The following RYR3 variants were observed in gnomAD, a reference collection of about 807,000 sequenced individuals.
The protein encoded by RYR3 is ryanodine receptor 3, also known as brain ryanodine receptor-calcium release channel.
RYR3 carries 207 observed loss-of-function variants against 584.3 expected under a neutral mutation model. The observed-to-expected ratio is 0.35, with a 90% confidence interval of 0.32 to 0.40. The LOEUF (loss-of-function observed/expected upper bound fraction) is 0.40, where lower values mean the gene tolerates loss of function less well. RYR3 is among the 10% of genes least tolerant of loss of function. RYR3 has a pLI of 1.00. For missense variants in RYR3, 5,616 were observed against 6,089.2 expected (o/e 0.92, Z 2.59); for synonymous variants, 2,416 against 2,248.5 (o/e 1.07, Z -2.11).
chr15:33,311,154 G>A lies in RYR3; in HGVS notation c.51+58G>A. On this transcript the variant is annotated intron_variant, in intron 1 of 103. Transcript: ENST00000634891. The surrounding 1 kb of genome is among the most constrained non-coding windows in gnomAD (Gnocchi z 4.4). The stretch of plus-strand genomic sequence containing the variant: ...CAGGTGGGGAGGAGCGCGGAGCGCG[G>A]CGAGGAGGGGCTGGCTGCGCTGCGC... 3.7e-6 allele frequency: 5 copies of A among 1,361,888 alleles called. 1 individual carries two copies. The South Asian group carries it at 7.1e-5, about 19-fold the overall frequency. The allele number at this position is 1,361,888 out of a possible 1,614,324, so 84.4% of individuals were successfully genotyped here. A position where few individuals can be genotyped will look rare whatever the true frequency, so the allele number is the denominator to read the frequency against.
intron 20 of RYR3, among the ~76,000 whole-genome samples, chr15:33,625,550 G>T (rs919917625): frequency 1.3e-5 from 2 of 152,134 alleles, no homozygotes; most frequent in African/African-American, 4.8e-5. Flanking sequence ...TTGGGGTCCT[G>T]TGAATTAAGC....
chr15:33,563,358 T>A (rs1439964094), intron 11 of RYR3, among the ~76,000 whole-genome samples: 2 of 152,248 alleles, frequency 1.3e-5, no homozygotes, highest in Non-Finnish European at 2.9e-5. Flanking sequence ...TGAGTTATTG[T>A]GCAGTTTTCA....
intron 3 of RYR3, among the ~76,000 whole-genome samples, chr15:33,525,843 A>G (rs2054345087): frequency 1.3e-5 from 2 of 152,232 alleles, no homozygotes; most frequent in Non-Finnish European, 2.9e-5. Flanking sequence ...TTCAGGAAAT[A>G]TTGTTCTGTG....
intron 48 of RYR3, among the ~76,000 whole-genome samples, chr15:33,732,883 C>A (rs1596348685): frequency 6.6e-6 from 1 of 152,190 alleles, no homozygotes; most frequent in South Asian, 2.1e-4. Context: ...CCTTTAGGGG[C>A]CAGCTGAGTA....
At chr15:33,621,009 G>A (rs1241406340) in intron 19 of RYR3, among the ~76,000 whole-genome samples, 2 of 152,212 alleles carry the variant, frequency 1.3e-5, no homozygotes, top group East Asian at 3.8e-4. Context: ...GGCCATTAGA[G>A]AAGATGAGAT....
intron 51 of RYR3, 80 bp from the exon 52 acceptor site, chr15:33,742,286 G>T: frequency 1.1e-6 from 1 of 873,504 alleles, no homozygotes; most frequent in South Asian, 1.4e-5. Flanking sequence ...ACAGCTGGTT[G>T]ATTGGTAGTT....
At chr15:33,472,087 A>G (rs2048981113) in intron 1 of RYR3, among the ~76,000 whole-genome samples, 1 of 152,230 alleles carries the variant, frequency 6.6e-6, no homozygotes, top group African/African-American at 2.4e-5. Context: ...TACTATAAGC[A>G]AAGACTCCTG....
chr15:33,337,655 AC>A (rs1409487813), intron 1 of RYR3, among the ~76,000 whole-genome samples: 1 of 152,202 alleles, frequency 6.6e-6, no homozygotes, highest in African/African-American at 2.4e-5. Context: ...ATGAAGAAAA[AC>A]TATTTCATCA....
intron 52 of RYR3, among the ~76,000 whole-genome samples, chr15:33,744,332 C>T (rs2070464722): frequency 6.6e-6 from 1 of 152,152 alleles, no homozygotes; most frequent in South Asian, 2.1e-4. Flanking sequence ...ATCAATTTTA[C>T]ATTCACTTGT....
chr15:33,787,869 G>A (rs536102440), intron 66 of RYR3, among the ~76,000 whole-genome samples: 23 of 152,330 alleles, frequency 1.5e-4, no homozygotes, highest in African/African-American at 4.3e-4. Flanking sequence ...CTAGTGAGCC[G>A]AAAGCAAAAA....
chr15:33,699,897 CT>C, intron 41 of RYR3, 64 bp downstream of exon 41: 1 of 1,549,694 alleles, frequency 6.5e-7, no homozygotes, highest in South Asian at 1.2e-5. Flanking sequence ...CTTTTGACCA[CT>C]TAGGAAAATA....
At chr15:33,455,341 G>A (rs1007363284) in intron 1 of RYR3, among the ~76,000 whole-genome samples, 3 of 152,058 alleles carry the variant, frequency 2.0e-5, no homozygotes, top group Non-Finnish European at 4.4e-5. Context: ...ATGTTTAGGA[G>A]TTATAAATAA....
intron 10 of RYR3, among the ~76,000 whole-genome samples, chr15:33,554,845 G>C (rs1251844953): frequency 6.6e-6 from 1 of 152,210 alleles, no homozygotes; most frequent in Non-Finnish European, 1.5e-5. Flanking sequence ...TAGATGTCAT[G>C]ACTCAATGTC....
chr15:33,836,861 C>G, intron 87 of RYR3, 45 bp from the exon 88 acceptor site: 3 of 1,515,184 alleles, frequency 2.0e-6, no homozygotes, highest in Non-Finnish European at 2.7e-6. Flanking sequence ...CTGTACTTTA[C>G]TGAGGGATCA....
rs563709230 is a variant in RYR3 at position 33,482,699 on chromosome 15, G to A, written c.171+9161G>A. On this transcript the variant is annotated intron_variant, in intron 2 of 103. Transcript: ENST00000634891. Reference sequence around the variant, plus strand: ...CTCCGAAAGTGCTGGGACTACAGGCGTGAGTCACTGTGCCCAGTCAGGTTT... The same window carrying A: ...CTCCGAAAGTGCTGGGACTACAGGCATGAGTCACTGTGCCCAGTCAGGTTT... 6.7e-4 allele frequency among the ~76,000 whole-genome samples: 102 copies of A among 152,290 alleles called. 1 individual carries two copies. The South Asian group carries it at 8.7e-3, about 13-fold the overall frequency.
intron 1 of RYR3, among the ~76,000 whole-genome samples, chr15:33,430,550 A>G (rs1240403930): frequency 2.0e-5 from 3 of 152,170 alleles, no homozygotes; most frequent in Non-Finnish European, 2.9e-5. Context: ...ATTTAGAACA[A>G]AGAACAGTGG....
At chr15:33,406,583 G>A (rs1304428801) in intron 1 of RYR3, among the ~76,000 whole-genome samples, 1 of 152,242 alleles carries the variant, frequency 6.6e-6, no homozygotes, top group Non-Finnish European at 1.5e-5. Context: ...TCTATTTGGG[G>A]TCAGGTTGCC....
At chr15:33,382,825 G>A (rs1056264830) in intron 1 of RYR3, among the ~76,000 whole-genome samples, 4 of 152,130 alleles carry the variant, frequency 2.6e-5, no homozygotes, top group African/African-American at 9.6e-5. Flanking sequence ...GGGGGCATGG[G>A]GTGAGTGAAC....
chr15:33,826,693 A>G lies in RYR3; in HGVS notation c.11186A>G (p.Asp3729Gly), dbSNP rs754898611. ...CAAGGTGAAAAAGTACTCCAGAATG[A>G]CGAGTTCACGCGTGATCTCTTTAGA... Reference protein sequence around the residue: ...RERGEKVLQNDEFTRDLFRFL... With the variant: ...RERGEKVLQNGEFTRDLFRFL... The change falls in exon 84 of 104, where the codon GAC becomes GGC. Residue 3729 changes from aspartate to glycine, a missense_variant. By Grantham distance (94) the Asp-to-Gly change is moderately conservative. This residue lies in a region of RYR3 where 954 missense variants were observed against 1,132.2 expected (regional missense o/e 0.84). Coordinates refer to ENST00000634891, the MANE Select transcript of RYR3 (RefSeq NM_001036.6). The G allele has an allele frequency of 1.3e-5, 21 of 1,614,002 alleles. No individual in the cohort carries two copies. The highest frequency in any genetic ancestry group is 1.7e-5 in the Non-Finnish European group (20 of 1,179,870).
Sources: gnomAD v4.1 joint callset for allele counts (sites outside exome capture counted in the v4.1 genomes callset) on GRCh38, gnomAD v4.1.1 for gene constraint, gnomAD v4.1.1 regional missense constraint, Gnocchi (gnomAD v3.1) non-coding constraint, MANE v1.5 for transcripts, NCBI Gene and HGNC (gene_info 2026-07-23, HGNC 2026-07-21) for gene names.